Variants in KMT2C observed in about 807,000 individuals in gnomAD.
The protein encoded by KMT2C is lysine methyltransferase 2C.
A neutral mutation model predicts 507.9 loss-of-function variants in KMT2C; 88 were observed. The observed-to-expected ratio is 0.17, with a 90% CI of 0.15 to 0.21. KMT2C has a LOEUF of 0.21. KMT2C is among the 10% of genes least tolerant of loss of function. The pLI is 1.00. For synonymous variants in KMT2C, 2,049 were observed against 2,080.8 expected, an observed-to-expected ratio of 0.98 and a Z score of 0.42; for missense variants, 4,954 against 5,957.8, an observed-to-expected ratio of 0.83 and a Z score of 5.55.
chr7:152,156,571 G>A (rs1453573700), intron 44 of KMT2C, among the ~76,000 whole-genome samples: 4 of 152,080 alleles, frequency 2.6e-5, no homozygotes, highest in Non-Finnish European at 5.9e-5. Flanking sequence ...ACTTTACCCA[G>A]CTTGACTACT....
Position 152,222,026 on chromosome 7 carries a change from T to G in KMT2C, c.3474A>C (p.Gln1158His), listed in dbSNP as rs1563460180. Reference sequence around the variant, plus strand: ...CTAGCTCTTTTACTTTTGTGACAATTTGTGCTACAAGTGAAGATTCACAGC... The same window carrying G: ...CTAGCTCTTTTACTTTTGTGACAATGTGTGCTACAAGTGAAGATTCACAGC... ...SDCCESSLVA[Q>H]IVTKVKELDP... is the part of the protein sequence containing the mutation. The change falls in exon 22 of 59, where the codon CAA (glutamine) becomes CAC (histidine). Residue 1158 changes from glutamine to histidine, a missense_variant. This residue lies in a region of KMT2C where 176 missense variants were observed against 262.0 expected (regional missense o/e 0.67). Coordinates refer to ENST00000262189, the MANE Select transcript of KMT2C (RefSeq NM_170606.3). 6 of 1,605,670 alleles carry G rather than the reference T, an allele frequency of 3.7e-6. No individual in the cohort carries two copies. The highest frequency in any genetic ancestry group is 1.7e-4 in the Middle Eastern group (1 of 6,038).
chr7:152,417,642 TTTG>T lies in KMT2C; in HGVS notation c.161+17981_161+17983del, dbSNP rs924224712. ...TCTATGAAGAATCAAAAAATGCTTT[TTTG>T]TTGTTGTTGTTGTTGAGACGGAGTC... On this transcript the variant is annotated intron_variant, in intron 1 of 58. Coordinates refer to ENST00000262189, the MANE Select transcript of KMT2C (RefSeq NM_170606.3). Among the ~76,000 whole-genome samples the T allele has an allele frequency of 1.1e-4, 16 of 152,120 alleles. No homozygotes were observed. In the East Asian group the frequency reaches 1.2e-3, roughly 11 times the overall value.
At chr7:152,322,975 C>T (rs1360531493) in intron 3 of KMT2C, among the ~76,000 whole-genome samples, 7 of 151,896 alleles carry the variant, frequency 4.6e-5, no homozygotes, top group African/African-American at 1.7e-4. Context: ...TCACGTAACA[C>T]CTGGCTATTG....
chr7:152,245,320 G>A (rs375674210), intron 14 of KMT2C, among the ~76,000 whole-genome samples: 3 of 150,836 alleles, frequency 2.0e-5, no homozygotes, highest in Non-Finnish European at 3.0e-5. Flanking sequence ...GTCTTGCATC[G>A]TCCAATAAGG....
chr7:152,216,620 G>A (rs1420873094), intron 23 of KMT2C, among the ~76,000 whole-genome samples: 1 of 152,142 alleles, frequency 6.6e-6, no homozygotes, highest in African/African-American at 2.4e-5. Context: ...TAATACAGAG[G>A]AAAACGTTTA....
In KMT2C at chr7:152,177,613, C is replaced by A. The variant is rs750597117; in HGVS notation, c.7840G>T (p.Gly2614Cys). ...HTDPMRRPPQ[G>C]LPNQLPVHPD... Reference sequence around the variant, plus strand: ...TGCACAGGTAGCTGATTAGGTAGACCCTGGGGAGGTCGTCGCATGGGGTCT... The same window carrying A: ...TGCACAGGTAGCTGATTAGGTAGACACTGGGGAGGTCGTCGCATGGGGTCT... The change falls in exon 38 of 59, where the codon GGT (glycine) becomes TGT (cysteine). Residue 2614 changes from glycine to cysteine, a missense_variant. Gly to Cys is a radical substitution (Grantham distance 159). Around this residue, in one of 29 missense-constraint regions of KMT2C, gnomAD observed 1,689 missense variants for 1,654.3 expected, o/e 1.02. Coordinates refer to ENST00000262189, the MANE Select transcript of KMT2C (RefSeq NM_170606.3). 6.2e-7 allele frequency: 1 copy of A among 1,613,874 alleles called. No individual in the cohort carries two copies. Among genetic ancestry groups the A allele is most frequent in the East Asian group, 2.2e-5 (1 of 44,880 alleles).
intron 9 of KMT2C, among the ~76,000 whole-genome samples, chr7:152,255,137 A>ATATATATATG (rs1563606964): frequency 5.5e-5 from 7 of 127,682 alleles, no homozygotes; most frequent in African/African-American, 2.2e-4. Flanking sequence ...ATATATATAT[A>ATATATATATG]TATATATACA....
chr7:152,384,313 CTT>C (rs1426738900), intron 1 of KMT2C, among the ~76,000 whole-genome samples: 1 of 152,230 alleles, frequency 6.6e-6, no homozygotes, highest in Non-Finnish European at 1.5e-5. Context: ...AGCCTCATCT[CTT>C]GACTCTCTCG....
chr7:152,418,273 A>G (rs1373521703), intron 1 of KMT2C, among the ~76,000 whole-genome samples: 1 of 152,064 alleles, frequency 6.6e-6, no homozygotes, highest in Non-Finnish European at 1.5e-5. Flanking sequence ...TATCCTGCCT[A>G]TGGTAATCTG....
intron 44 of KMT2C, among the ~76,000 whole-genome samples, chr7:152,156,928 A>G (rs568765362): frequency 2.0e-4 from 30 of 152,286 alleles, no homozygotes; most frequent in African/African-American, 7.2e-4. Flanking sequence ...AGTTATCACC[A>G]ATTTGTCATT....
intron 9 of KMT2C, among the ~76,000 whole-genome samples, chr7:152,255,109 TTATATATATATATATATATATA>T (rs1207305132): frequency 2.2e-4 from 17 of 78,342 alleles, no homozygotes; most frequent in South Asian, 1.8e-3. Flanking sequence ...CAACTCTCAC[TTATATATATATATATATATATA>T]TATATATATA....
intron 1 of KMT2C, chr7:152,368,594 A>G (rs2097266543): frequency 7.0e-7 from 1 of 1,423,874 alleles, no homozygotes; most frequent in Non-Finnish European, 9.8e-7. Context: ...GAAGCTCAAC[A>G]ACATATTTTA....
At chr7:152,187,081 G>A (rs1258314392) in intron 33 of KMT2C, among the ~76,000 whole-genome samples, 181 bp downstream of exon 33, 2 of 152,004 alleles carry the variant, frequency 1.3e-5, no homozygotes, top group East Asian at 3.9e-4. Flanking sequence ...ATATGAGGAT[G>A]GATGCAGGGT....
At chr7:152,389,700 C>A (rs1252063324) in intron 1 of KMT2C, among the ~76,000 whole-genome samples, 1 of 152,128 alleles carries the variant, frequency 6.6e-6, no homozygotes, top group African/African-American at 2.4e-5. Flanking sequence ...CTTGGACTCC[C>A]AAAGTGCTGG....
chr7:152,366,901 T>TGGCGCTGCGAGCC (rs2129238421), intron 1 of KMT2C: 2 of 424,224 alleles, frequency 4.7e-6, no homozygotes, highest in South Asian at 5.4e-5. Context: ...CGGCGCGAGC[T>TGGCGCTGCGAGCC]GGCGCTGCGA....
intron 1 of KMT2C, among the ~76,000 whole-genome samples, chr7:152,419,109 T>C (rs1263350269): frequency 6.6e-6 from 1 of 151,976 alleles, no homozygotes; most frequent in African/African-American, 2.4e-5. Flanking sequence ...CCCAGCATTT[T>C]GGGAGGCCAA....
chr7:152,354,299 G>T (rs940715754), intron 2 of KMT2C, among the ~76,000 whole-genome samples: 1 of 152,172 alleles, frequency 6.6e-6, no homozygotes, highest in Admixed American at 6.5e-5. Context: ...TTGTAATGTT[G>T]TAATGTTCCA....
rs1252013305 is a variant in KMT2C at position 152,148,643 on chromosome 7, G to C, written c.13284C>G (p.Val4428=). Residue 4428 remains valine, a synonymous_variant, in exon 52 of 59, where the codon GTC becomes GTG. Coordinates refer to ENST00000262189, the MANE Select transcript of KMT2C (RefSeq NM_170606.3). This position sits in a 1 kb window ranked among gnomAD's most constrained non-coding sequence, Gnocchi z 7.1. ...TGGACCACAGAGCGCAGTTCAAGTGGACCCACAGATCCAAGTCAAGGTTGA... is the reference window on the plus strand; with the variant it reads ...TGGACCACAGAGCGCAGTTCAAGTGCACCCACAGATCCAAGTCAAGGTTGA... ...RLLNLDLDLW[V]HLNCALWSTE... 4 of 1,614,026 alleles carry C rather than the reference G, an allele frequency of 2.5e-6. No homozygotes were observed. Among genetic ancestry groups the C allele is most frequent in the Non-Finnish European group, 3.4e-6 (4 of 1,180,048 alleles).
At position 152,154,156 on chromosome 7, in the gene KMT2C, GAGAGAAAAAAA is replaced by G; in HGVS notation, c.12140-21_12140-11del. On this transcript the variant is annotated splice_polypyrimidine_tract_variant and intron_variant, in intron 47 of 58. Transcript: ENST00000262189. ...CTTCTTGATTCTGAACCTTTAAAAA[GAGAGAAAAAAA>G]AGAGGAAAATAGTGTTAATGGATTT... is the stretch of plus-strand genomic sequence containing the variant. 6.2e-7 allele frequency: 1 copy of G among 1,608,058 alleles called. No individual in the cohort carries two copies. The highest frequency in any genetic ancestry group is 1.1e-5 in the South Asian group (1 of 89,754).
Sources: gnomAD v4.1 joint callset for allele counts (sites outside exome capture counted in the v4.1 genomes callset) on GRCh38, gnomAD v4.1.1 for gene constraint, gnomAD v4.1.1 regional missense constraint, Gnocchi (gnomAD v3.1) non-coding constraint, MANE v1.5 for transcripts, NCBI Gene and HGNC (gene_info 2026-07-23, HGNC 2026-07-21) for gene names.